Variants in NRXN1 observed in about 807,000 individuals in gnomAD.
The protein encoded by NRXN1 is neurexin-1.
Under a neutral mutation model 150.9 loss-of-function variants are expected in NRXN1, and 39 were observed. The ratio of observed to expected loss-of-function variants is 0.26; its 90% CI spans 0.20 to 0.34. The LOEUF (loss-of-function observed/expected upper bound fraction) is 0.34, where lower values mean the gene tolerates loss of function less well. Ranked by LOEUF, NRXN1 falls within the 10% of genes least tolerant of loss-of-function variation. The pLI is 1.00. For missense variants in NRXN1, 1,815 were observed against 1,949.9 expected (o/e 0.93, Z 1.30); for synonymous variants, 924 against 757.0 (o/e 1.22, Z -3.62).
intron 5 of NRXN1, among the ~76,000 whole-genome samples, chr2:50,887,885 G>A (rs1375548488): frequency 6.7e-6 from 1 of 148,906 alleles, no homozygotes; most frequent in East Asian, 2.0e-4. Flanking sequence ...TTGACACCAA[G>A]ACTCATACCA....
intron 17 of NRXN1, among the ~76,000 whole-genome samples, chr2:50,441,282 T>G (rs2085930277): frequency 1.3e-5 from 2 of 152,192 alleles, no homozygotes; most frequent in South Asian, 4.1e-4. Flanking sequence ...TATTTCATGG[T>G]AAATGGATTA....
intron 12 of NRXN1, among the ~76,000 whole-genome samples, chr2:50,512,302 T>G (rs1308286243): frequency 6.6e-6 from 1 of 152,190 alleles, no homozygotes; most frequent in African/African-American, 2.4e-5. Flanking sequence ...ACCCAAGAAT[T>G]ACTACACTCA....
intron 5 of NRXN1, chr2:50,919,634 A>G (rs531377461): frequency 6.6e-6 from 1 of 151,912 alleles, no homozygotes; most frequent in Non-Finnish European, 1.5e-5. Context: ...TTTAGGAAAC[A>G]TAAGTTTACA....
rs990293862 is a variant in NRXN1, at chr2:50,620,283, T to C, written c.1159-100A>G. ...TGTGTTTTGCTTTTGTTTTTTTGTT[T>C]TGTTTTGTTTTGCTTTTTTCTTTTT... On this transcript the variant is annotated intron_variant, in intron 7 of 22. Coordinates refer to ENST00000401669, the MANE Select transcript of NRXN1 (RefSeq NM_001330078.2). The C allele has an allele frequency of 9.8e-6, 13 of 1,320,916 alleles. No individual in the cohort carries two copies. In the African/African-American group the frequency reaches 1.3e-4, roughly 14 times the overall value. The allele number at this position is 1,320,916 out of a possible 1,614,324, so 81.8% of individuals were successfully genotyped here. A position where few individuals can be genotyped will look rare whatever the true frequency, so the allele number is the denominator to read the frequency against.
chr2:50,487,514 T>A (rs1307344254), intron 15 of NRXN1, among the ~76,000 whole-genome samples: 3 of 152,198 alleles, frequency 2.0e-5, no homozygotes, highest in Admixed American at 6.5e-5. Context: ...GCTATGTCAT[T>A]AAAAATGCAC....
chr2:50,680,542 G>T (rs964335877), intron 5 of NRXN1, among the ~76,000 whole-genome samples: 2 of 152,038 alleles, frequency 1.3e-5, no homozygotes. Flanking sequence ...TAAAAAAAAT[G>T]TCAATCAACT....
At chr2:50,056,444 TATC>T (rs1436167707) in intron 19 of NRXN1, among the ~76,000 whole-genome samples, 3 of 152,136 alleles carry the variant, frequency 2.0e-5, no homozygotes, top group African/African-American at 7.2e-5. Context: ...AAAATGTAAA[TATC>T]AAAGTCAAGG....
chr2:50,942,303 G>C (rs567333169), intron 2 of NRXN1, among the ~76,000 whole-genome samples: 38 of 152,310 alleles, frequency 2.5e-4, no homozygotes, highest in Non-Finnish European at 4.9e-4. Context: ...GCAATGCAGA[G>C]AGGAAATATG....
chr2:50,380,707 A>T (rs1451496684), intron 17 of NRXN1, among the ~76,000 whole-genome samples: 1 of 152,116 alleles, frequency 6.6e-6, no homozygotes, highest in Non-Finnish European at 1.5e-5. Flanking sequence ...ATTTATAACT[A>T]CAATAAGTGA....
intron 2 of NRXN1, among the ~76,000 whole-genome samples, chr2:50,989,556 G>A (rs1187510721): frequency 6.6e-6 from 1 of 151,962 alleles, no homozygotes; most frequent in Non-Finnish European, 1.5e-5. Context: ...GATATAGCAT[G>A]TAGACTTCTG....
At chr2:50,236,148 T>C (rs1367891197) in intron 18 of NRXN1, among the ~76,000 whole-genome samples, 10 of 152,082 alleles carry the variant, frequency 6.6e-5, no homozygotes, top group Admixed American at 5.9e-4. Flanking sequence ...CTATCTATTA[T>C]ATGCTGAGTA....
At chr2:50,137,992 A>T (rs1055842134) in intron 18 of NRXN1, among the ~76,000 whole-genome samples, 1 of 152,170 alleles carries the variant, frequency 6.6e-6, no homozygotes, top group African/African-American at 2.4e-5. Flanking sequence ...GACTTGTATA[A>T]TTTTAATGCA....
chr2:50,545,680 T>C (rs1047371907), intron 9 of NRXN1, among the ~76,000 whole-genome samples: 4 of 152,186 alleles, frequency 2.6e-5, no homozygotes, highest in African/African-American at 4.8e-5. Flanking sequence ...AATATGGATG[T>C]CAATTATAAT....
intron 19 of NRXN1, among the ~76,000 whole-genome samples, chr2:50,084,695 G>A (rs1247621626): frequency 6.6e-6 from 1 of 152,214 alleles, no homozygotes; most frequent in African/African-American, 2.4e-5. Context: ...AAGCGTGGCT[G>A]AATGGGCGCC....
chr2:50,911,558 G>A (rs951751616), intron 5 of NRXN1, among the ~76,000 whole-genome samples: 10 of 151,606 alleles, frequency 6.6e-5, no homozygotes, highest in Admixed American at 5.3e-4. Context: ...TTTATTTAAT[G>A]GTTCTTTCTC....
chr2:50,277,861 A>C (rs1371241081), intron 17 of NRXN1, among the ~76,000 whole-genome samples: 1 of 151,888 alleles, frequency 6.6e-6, no homozygotes, highest in African/African-American at 2.4e-5. Context: ...ACACCCTTCT[A>C]TACAATCTAC....
At chr2:50,723,329 G>A (rs1298825530) in intron 5 of NRXN1, among the ~76,000 whole-genome samples, 1 of 152,174 alleles carries the variant, frequency 6.6e-6, no homozygotes, top group Non-Finnish European at 1.5e-5. Context: ...TGTCTTGTCG[G>A]TTTTGAAGAA....
chr2:50,557,743 AT>A (rs1465565139), intron 8 of NRXN1, among the ~76,000 whole-genome samples: 3 of 152,226 alleles, frequency 2.0e-5, no homozygotes, highest in African/African-American at 7.2e-5. Context: ...AACATTTCTT[AT>A]TCTTACATTG....
At position 50,799,134 on chromosome 2, in the gene NRXN1, A is replaced by G. The variant is rs115502695; in HGVS notation, c.832+122735T>C. ...TCTTGTTGGACATGAAAAAAATAATATAAGCTAAATTTCCTCTGTTCATTT... is the reference window on the plus strand; with the variant it reads ...TCTTGTTGGACATGAAAAAAATAATGTAAGCTAAATTTCCTCTGTTCATTT... On this transcript the variant is annotated intron_variant, in intron 5 of 22. Coordinates refer to ENST00000401669, the MANE Select transcript of NRXN1 (RefSeq NM_001330078.2). 2.9e-3 allele frequency among the ~76,000 whole-genome samples: 449 copies of G among 152,296 alleles called. 2 individuals carry two copies. The highest frequency in any genetic ancestry group is 3.9e-3 in the Non-Finnish European group (268 of 68,030).
Sources: allele counts gnomAD v4.1 joint callset (sites outside exome capture counted in the v4.1 genomes callset), GRCh38; gene constraint gnomAD v4.1.1; transcripts MANE v1.5; gene names NCBI Gene and HGNC (gene_info 2026-07-23, HGNC 2026-07-21).